TMEM128: variants seen among roughly 807,000 people sequenced by gnomAD.
TMEM128 encodes the protein transmembrane protein 128.
A neutral mutation model predicts 19.7 loss-of-function variants in TMEM128; 16 were observed. The observed-to-expected ratio is 0.81, with a 90% confidence interval of 0.55 to 1.23. The LOEUF is 1.23. TMEM128 is among the 50% of genes most tolerant of loss of function. The probability of loss-of-function intolerance (pLI) is 0.00; values close to 1 mark genes in which losing one functional copy is unlikely to be tolerated. For missense variants in TMEM128, 237 were observed against 200.8 expected (o/e 1.18, Z -1.09); for synonymous variants, 98 against 75.8 (o/e 1.29, Z -1.52).
rs919083013 is a variant in TMEM128, at chr4:4,240,895, C to T, written c.240-416G>A. Among the ~76,000 whole-genome samples the T allele has an allele frequency of 1.5e-4, 23 of 152,182 alleles. 1 individual carries two copies. The highest frequency in any genetic ancestry group is 3.9e-4 in the East Asian group (2 of 5,154). ...GAGTTCGAGACCAGCCTGACCAACA[C>T]GGAGAAATCCTGTCTCTACTAAAAA... On this transcript the variant is annotated intron_variant, in intron 2 of 4. Coordinates refer to ENST00000382753, the MANE Select transcript of TMEM128 (RefSeq NM_001297551.2).
intron 4 of TMEM128, among the ~76,000 whole-genome samples, chr4:4,236,620 T>G (rs61016366): frequency 0.28 from 43,144 of 152,090 alleles, 7,574 homozygotes; most frequent in Non-Finnish European, 0.39. Flanking sequence ...CCTGTGAGGG[T>G]TCCCAGTGGT....
chr4:4,247,717 C>A (rs200090024), intron 1 of TMEM128: 5 of 1,594,266 alleles, frequency 3.1e-6, no homozygotes, highest in Non-Finnish European at 4.3e-6. Context: ...CCCAAATTTA[C>A]TTAAACAGCT....
rs1462622701 is a variant in TMEM128, at chr4:4,248,167, C to T, written c.36G>A (p.Arg12=). Residue 12 remains arginine (R), a synonymous_variant, in exon 1 of 5, where the codon CGG becomes CGA. Coordinates refer to ENST00000382753, the MANE Select transcript of TMEM128 (RefSeq NM_001297551.2). The stretch of plus-strand genomic sequence containing the variant: ...CGGCGTCCGGCAGGAGGAGGAATCG[C>T]CGCCGGAGCTGCTGCCGGGCCCGCG... ...DSSRARQQLR[R]RFLLLPDAEA... is the part of the protein sequence containing the mutation. The T allele has an allele frequency of 6.5e-7, 1 of 1,533,138 alleles. No individual in the cohort carries two copies. Among genetic ancestry groups the T allele is most frequent in the Non-Finnish European group, 8.8e-7 (1 of 1,141,048 alleles). 95.0% of individuals were successfully genotyped at this position (1,533,138 alleles called of 1,614,324 possible). A position where few individuals can be genotyped will look rare whatever the true frequency, so the allele number is the denominator to read the frequency against.
In TMEM128 at chr4:4,247,587, A is replaced by G. The variant is rs1020064546; in HGVS notation, c.97+519T>C. On this transcript the variant is annotated intron_variant, in intron 1 of 4. Coordinates refer to ENST00000382753, the MANE Select transcript of TMEM128 (RefSeq NM_001297551.2). The stretch of plus-strand genomic sequence containing the variant: ...ATTCTATGCATTCACAGGTGAACAT[A>G]CATCACAAGTTACCTGTTTTGTACC... The G allele has an allele frequency of 1.9e-6, 3 of 1,614,118 alleles. No individual in the cohort carries two copies. In the Admixed American group the frequency reaches 5.0e-5, roughly 27 times the overall value.
chr4:4,246,481 G>A (rs753444476), intron 1 of TMEM128, 138 bp from the exon 2 acceptor site: 1 of 831,120 alleles, frequency 1.2e-6, no homozygotes. Flanking sequence ...TAAAACCCTT[G>A]AGATAGGTTT....
intron 1 of TMEM128, among the ~76,000 whole-genome samples, chr4:4,247,118 C>A (rs764537188): frequency 2.0e-5 from 3 of 152,168 alleles, no homozygotes; most frequent in Non-Finnish European, 4.4e-5. Context: ...AAACGGCACA[C>A]CAGAGCTCTA....
intron 3 of TMEM128, among the ~76,000 whole-genome samples, chr4:4,239,541 T>C (rs1028570579): frequency 1.3e-5 from 2 of 152,192 alleles, no homozygotes; most frequent in Non-Finnish European, 2.9e-5. Flanking sequence ...TACATATATA[T>C]ACATATATAC....
At chr4:4,240,657 A>G (rs980642548) in intron 2 of TMEM128, among the ~76,000 whole-genome samples, 178 bp from the exon 3 acceptor site, 2 of 152,208 alleles carry the variant, frequency 1.3e-5, no homozygotes, top group Non-Finnish European at 2.9e-5. Flanking sequence ...TGGGGGTGAG[A>G]AAAAGAGATA....
At chr4:4,236,934 G>T (rs1209511250) in intron 4 of TMEM128, 1 of 246,594 alleles carries the variant, frequency 4.1e-6, no homozygotes, top group Non-Finnish European at 8.3e-6. Flanking sequence ...GACCTGACAG[G>T]AGGCACTATC....
chr4:4,237,289 C>T (rs1717758152), intron 4 of TMEM128, among the ~76,000 whole-genome samples: 1 of 152,076 alleles, frequency 6.6e-6, no homozygotes, highest in African/African-American at 2.4e-5. Context: ...AATATAATTT[C>T]AACATAAAAT....
At chr4:4,246,129 G>T in intron 2 of TMEM128, 73 bp downstream of exon 2, 1 of 1,490,684 alleles carries the variant, frequency 6.7e-7, no homozygotes. Context: ...ACTGTTTGAA[G>T]AATTCAACTA....
At chr4:4,241,662 G>A (rs1285743257) in intron 2 of TMEM128, among the ~76,000 whole-genome samples, 1 of 152,174 alleles carries the variant, frequency 6.6e-6, no homozygotes, top group East Asian at 1.9e-4. Flanking sequence ...GTCATGAGAG[G>A]CTGTAGAGGG....
At position 4,243,435 on chromosome 4, in the gene TMEM128, C is replaced by T. The variant is rs9685968; in HGVS notation, c.239+2767G>A. ...CCCATCTTTGAACAATATAAAGAAC[C>T]TTAAGGCCTCAAGCTTCTAAACTTA... On this transcript the variant is annotated intron_variant, in intron 2 of 4. Transcript: ENST00000382753. Among the ~76,000 whole-genome samples, 1,510 of 152,260 alleles carry T rather than the reference C, an allele frequency of 9.9e-3. 23 individuals carry two copies. Among genetic ancestry groups the T allele is most frequent in the African/African-American group, 0.031 (1,279 of 41,552 alleles).
At chr4:4,241,346 C>G (rs1717950554) in intron 2 of TMEM128, among the ~76,000 whole-genome samples, 1 of 152,170 alleles carries the variant, frequency 6.6e-6, no homozygotes, top group Non-Finnish European at 1.5e-5. Flanking sequence ...ATGCCAATGC[C>G]TTTTTACTCC....
chr4:4,242,540 C>T (rs567275711), intron 2 of TMEM128, among the ~76,000 whole-genome samples: 7 of 148,128 alleles, frequency 4.7e-5, no homozygotes, highest in African/African-American at 7.4e-5. Flanking sequence ...TTTTTTGAGA[C>T]GGAGTCTCGC....
rs544321774 is a variant in TMEM128 at position 4,242,995 on chromosome 4, C to T, written c.240-2516G>A. Among the ~76,000 whole-genome samples, 3 of 152,270 alleles carry T rather than the reference C, an allele frequency of 2.0e-5. No individual in the cohort carries two copies. In the South Asian group the frequency reaches 6.2e-4, roughly 32 times the overall value. On this transcript the variant is annotated intron_variant, in intron 2 of 4. Coordinates refer to ENST00000382753, the MANE Select transcript of TMEM128 (RefSeq NM_001297551.2). Reference sequence around the variant, plus strand: ...TTAATTTTACTTTCTGTCTTTAACTCCACTGTTGATTTTGATGCACACAAG... The same window carrying T: ...TTAATTTTACTTTCTGTCTTTAACTTCACTGTTGATTTTGATGCACACAAG...
chr4:4,246,354 G>A lies in TMEM128; in HGVS notation c.98-11C>T, dbSNP rs1718172213. The A allele has an allele frequency of 6.3e-7, 1 of 1,589,066 alleles. No individual in the cohort carries two copies. Among genetic ancestry groups the A allele is most frequent in the East Asian group, 2.2e-5 (1 of 44,516 alleles). ...CAGCTGTGGAGGTTTCTGCAAATAA[G>A]GGAGATTTCAACTTATTAAGTTACC... On this transcript the variant is annotated splice_polypyrimidine_tract_variant and intron_variant, in intron 1 of 4. Transcript: ENST00000382753.
At chr4:4,240,586 G>T in intron 2 of TMEM128, 107 bp from the exon 3 acceptor site, 2 of 1,236,674 alleles carry the variant, frequency 1.6e-6, no homozygotes, top group Non-Finnish European at 2.2e-6. Context: ...AATATCAAGT[G>T]TTGCAGAGGG....
At chr4:4,244,528 T>C (rs1234780193) in intron 2 of TMEM128, among the ~76,000 whole-genome samples, 2 of 152,256 alleles carry the variant, frequency 1.3e-5, no homozygotes, top group Non-Finnish European at 2.9e-5. Flanking sequence ...CAGCCCAAGT[T>C]CTAAGAGAGA....
Sources: allele counts gnomAD v4.1 joint callset (sites outside exome capture counted in the v4.1 genomes callset), GRCh38; gene constraint gnomAD v4.1.1; transcripts MANE v1.5; gene names NCBI Gene and HGNC (gene_info 2026-07-23, HGNC 2026-07-21).